Variants in PCDHA8 observed in about 807,000 individuals in gnomAD.
PCDHA8 encodes protocadherin alpha-8.
Under a neutral mutation model 61.8 loss-of-function variants are expected in PCDHA8, and 53 were observed. The ratio of observed to expected loss-of-function variants is 0.86; its 90% CI spans 0.69 to 1.08. PCDHA8 has a LOEUF of 1.08. Ranked by LOEUF, PCDHA8 falls within the 50% of genes least tolerant of loss-of-function variation. The pLI is 0.00. For synonymous variants in PCDHA8, 618 were observed against 556.6 expected (o/e 1.11, Z -1.55); for missense variants, 1,293 against 1,245.0 (o/e 1.04, Z -0.58).
intron 1 of PCDHA8, chr5:140,856,950 T>C: frequency 6.3e-7 from 1 of 1,593,338 alleles, no homozygotes; most frequent in Non-Finnish European, 8.6e-7. Flanking sequence ...ACGGGAGAAA[T>C]AAAAGTAAAT....
chr5:140,973,815 A>C (rs2096603789), intron 1 of PCDHA8, among the ~76,000 whole-genome samples: 1 of 152,224 alleles, frequency 6.6e-6, no homozygotes, highest in African/African-American at 2.4e-5. Flanking sequence ...CAGAATAGCA[A>C]AGTCAGTTCT....
intron 1 of PCDHA8, among the ~76,000 whole-genome samples, chr5:140,946,255 A>C (rs1554217419): frequency 6.6e-6 from 1 of 152,084 alleles, no homozygotes; most frequent in Non-Finnish European, 1.5e-5. Context: ...GAATCATCAG[A>C]AAAATGCGAA....
chr5:140,898,765 G>C (rs1336398509), intron 1 of PCDHA8, among the ~76,000 whole-genome samples: 1 of 151,640 alleles, frequency 6.6e-6, no homozygotes, highest in African/African-American at 2.4e-5. Context: ...CATTGAATCT[G>C]TAAATTACCT....
intron 1 of PCDHA8, 110 bp downstream of exon 1, chr5:140,843,825 CATT>C: frequency 1.7e-6 from 2 of 1,188,044 alleles, no homozygotes; most frequent in East Asian, 2.4e-5. Context: ...AAAATTTAAA[CATT>C]GTTTAGTTTT....
chr5:140,991,570 C>T (rs1554252306), intron 3 of PCDHA8, among the ~76,000 whole-genome samples: 1 of 152,220 alleles, frequency 6.6e-6, no homozygotes, highest in Non-Finnish European at 1.5e-5. Context: ...TTTCCAATAA[C>T]AGGCTCCTTA....
At chr5:140,905,202 T>C (rs1554191944) in intron 1 of PCDHA8, among the ~76,000 whole-genome samples, 1 of 152,196 alleles carries the variant, frequency 6.6e-6, no homozygotes, top group Non-Finnish European at 1.5e-5. Flanking sequence ...CCATCTTGAG[T>C]TGATTTTTGT....
chr5:140,871,692 C>A, intron 1 of PCDHA8: 2 of 997,190 alleles, frequency 2.0e-6, no homozygotes, highest in Non-Finnish European at 2.9e-6. Flanking sequence ...AATCTGGCTT[C>A]TTTAACCAAT....
At chr5:140,869,884 G>T in intron 1 of PCDHA8, 1 of 1,610,394 alleles carries the variant, frequency 6.2e-7, no homozygotes, top group Non-Finnish European at 8.5e-7. Flanking sequence ...AGAAACTCTT[G>T]TGCTCAAACT....
At chr5:140,984,751 T>A (rs2097118127) in intron 3 of PCDHA8, among the ~76,000 whole-genome samples, 1 of 152,158 alleles carries the variant, frequency 6.6e-6, no homozygotes. Context: ...CAGATTTGAG[T>A]TGAATTCTAA....
chr5:140,907,034 C>G (rs1554192846), intron 1 of PCDHA8, among the ~76,000 whole-genome samples: 1 of 152,142 alleles, frequency 6.6e-6, no homozygotes, highest in Admixed American at 6.5e-5. Context: ...AACATAATGT[C>G]ACAGGGACAG....
intron 1 of PCDHA8, among the ~76,000 whole-genome samples, chr5:140,919,389 TG>T (rs2079114384): frequency 6.6e-6 from 1 of 152,242 alleles, no homozygotes; most frequent in African/African-American, 2.4e-5. Context: ...AGTTGGATGT[TG>T]TTTTCCTAAA....
At chr5:140,946,871 A>G (rs952595827) in intron 1 of PCDHA8, among the ~76,000 whole-genome samples, 8 of 151,442 alleles carry the variant, frequency 5.3e-5, no homozygotes, top group Non-Finnish European at 8.9e-5. Flanking sequence ...AGGTTGGTCA[A>G]TGGGTACGAA....
chr5:140,948,525 A>G (rs187765359), intron 1 of PCDHA8, among the ~76,000 whole-genome samples: 2 of 151,708 alleles, frequency 1.3e-5, no homozygotes, highest in Admixed American at 1.3e-4. Flanking sequence ...AACACTATTT[A>G]TATTTTATTT....
At chr5:140,933,731 A>G (rs1210438420) in intron 1 of PCDHA8, among the ~76,000 whole-genome samples, 2 of 151,958 alleles carry the variant, frequency 1.3e-5, no homozygotes, top group East Asian at 1.9e-4. Context: ...CAGCTTTCTT[A>G]AATATTTGGT....
chr5:140,841,832 A>C lies in PCDHA8; in HGVS notation c.511A>C (p.Arg171=), dbSNP rs2150323829. The C allele has an allele frequency of 3.7e-6, 6 of 1,613,806 alleles. No homozygotes were observed. The South Asian group carries it at 5.5e-5, about 15-fold the overall frequency. ...DVGANSVLTY[R]LSSHDYFMLD... ...TGGAGCTAACTCCGTGTTAACCTAC[A>C]GGCTTAGCTCTCATGATTACTTCAT... is the stretch of plus-strand genomic sequence containing the variant. Residue 171 remains arginine (R), a synonymous_variant, in exon 1 of 4, where the codon AGG becomes CGG. Coordinates refer to ENST00000531613, the MANE Select transcript of PCDHA8 (RefSeq NM_018911.3).
chr5:140,952,023 C>T (rs183831358), intron 1 of PCDHA8, among the ~76,000 whole-genome samples: 2 of 152,236 alleles, frequency 1.3e-5, no homozygotes, highest in African/African-American at 2.4e-5. Flanking sequence ...CATGCAAGTC[C>T]GAAATCCAGT....
chr5:140,956,044 T>G (rs1335890349), intron 1 of PCDHA8, among the ~76,000 whole-genome samples: 1 of 152,200 alleles, frequency 6.6e-6, no homozygotes, highest in African/African-American at 2.4e-5. Context: ...AAGAAGCTTT[T>G]GGGCTGAGAC....
chr5:140,996,837 G>A (rs1382866699), intron 3 of PCDHA8, among the ~76,000 whole-genome samples: 7 of 151,992 alleles, frequency 4.6e-5, no homozygotes, highest in African/African-American at 7.3e-5. Flanking sequence ...ATAATTTAGC[G>A]TGCATCTTCA....
intron 1 of PCDHA8, among the ~76,000 whole-genome samples, chr5:140,958,025 A>G (rs920360369): frequency 1.3e-5 from 2 of 152,150 alleles, no homozygotes; most frequent in Non-Finnish European, 2.9e-5. Flanking sequence ...CAAGTATACT[A>G]TGCTTTCTTT....
Sources: allele counts gnomAD v4.1 joint callset (sites outside exome capture counted in the v4.1 genomes callset), GRCh38; gene constraint gnomAD v4.1.1; transcripts MANE v1.5; gene names NCBI Gene and HGNC (gene_info 2026-07-23, HGNC 2026-07-21).